The following VWDE variants were observed in gnomAD, a reference collection of about 807,000 sequenced individuals.
VWDE encodes von Willebrand factor D and EGF domains.
A neutral mutation model predicts 178.4 loss-of-function variants in VWDE; 207 were observed. That is an observed-to-expected ratio of 1.16 (90% CI 1.04 to 1.30). The LOEUF (loss-of-function observed/expected upper bound fraction) is 1.30, where lower values mean the gene tolerates loss of function less well. VWDE is among the 50% of genes most tolerant of loss of function. VWDE has a pLI of 0.00. For missense variants in VWDE, 2,287 were observed against 1,901.3 expected (o/e 1.20, Z -3.77); for synonymous variants, 738 against 651.4 (o/e 1.13, Z -2.02).
intron 10 of VWDE, among the ~76,000 whole-genome samples, chr7:12,372,329 A>G (rs968313816): frequency 2.5e-4 from 38 of 152,080 alleles, no homozygotes; most frequent in African/African-American, 8.2e-4. Context: ...AATATATAAC[A>G]TATTTTCAAA....
intron 13 of VWDE, among the ~76,000 whole-genome samples, chr7:12,361,978 A>G (rs1471379246): frequency 6.6e-6 from 1 of 151,920 alleles, no homozygotes; most frequent in African/African-American, 2.4e-5. Flanking sequence ...TATATGACCA[A>G]TCTCCCTGAC....
chr7:12,369,800 C>T lies in VWDE; in HGVS notation c.2506G>A (p.Glu836Lys). ...AACAGAACATCCTTCACACACATCTCTATAACACTGTCTAATCTCTTGCCA... is the reference window on the plus strand; with the variant it reads ...AACAGAACATCCTTCACACACATCTTTATAACACTGTCTAATCTCTTGCCA... ...FLGKRLDSVI[E>K]MCVKDVLLKD... The change falls in exon 12 of 29, where the codon GAG becomes AAG. Residue 836 changes from glutamate to lysine, a missense_variant. Transcript: ENST00000275358. 1 of 1,551,588 alleles carries T rather than the reference C, an allele frequency of 6.4e-7. No individual in the cohort carries two copies. Among genetic ancestry groups the T allele is most frequent in the East Asian group, 2.4e-5 (1 of 40,902 alleles).
chr7:12,391,220 A>G (rs1784374759), intron 2 of VWDE, among the ~76,000 whole-genome samples: 1 of 152,236 alleles, frequency 6.6e-6, no homozygotes, highest in Non-Finnish European at 1.5e-5. Flanking sequence ...TTATGAAGAA[A>G]TGTTGTTCCA....
chr7:12,340,562 C>A lies in VWDE; in HGVS notation c.4271-145G>T, dbSNP rs528282431. On this transcript the variant is annotated intron_variant, in intron 23 of 28. Coordinates refer to ENST00000275358, the MANE Select transcript of VWDE (RefSeq NM_001135924.3). ...ATAATGTATAATTAATTAGACTTTGCCAAACATAAGAGGAATGAAATTACT... is the reference window on the plus strand; with the variant it reads ...ATAATGTATAATTAATTAGACTTTGACAAACATAAGAGGAATGAAATTACT... 1.2e-5 allele frequency: 7 copies of A among 574,302 alleles called. No homozygotes were observed. The South Asian group carries it at 2.0e-4, about 16-fold the overall frequency. 35.6% of individuals were successfully genotyped at this position (574,302 alleles called of 1,614,324 possible).
intron 19 of VWDE, among the ~76,000 whole-genome samples, chr7:12,347,962 A>T (rs1181496513): frequency 1.3e-5 from 2 of 152,170 alleles, no homozygotes; most frequent in African/African-American, 4.8e-5. Context: ...TGACAAAAAC[A>T]AGCAATGGGG....
rs1015650899 is a variant in VWDE at position 12,351,490 on chromosome 7, C to T, written c.3886+83G>A. 6 of 1,374,924 alleles carry T rather than the reference C, an allele frequency of 4.4e-6. No homozygotes were observed. In the African/African-American group the frequency reaches 8.9e-5, roughly 20 times the overall value. The allele number at this position is 1,374,924 out of a possible 1,614,324, so 85.2% of individuals were successfully genotyped here. On this transcript the variant is annotated intron_variant, in intron 19 of 28. Transcript: ENST00000275358. ...GTGATCTTTCTAAAAATAAAAATAC[C>T]TGAGGAATAAATATGTTGGTCTTCT...
At chr7:12,368,976 G>A (rs1181956051) in intron 12 of VWDE, among the ~76,000 whole-genome samples, 5 of 151,962 alleles carry the variant, frequency 3.3e-5, no homozygotes, top group Admixed American at 6.6e-5. Context: ...AGAATGGGAG[G>A]GAAATCAGGA....
Position 12,370,230 on chromosome 7 carries a change from T to C in VWDE, c.2076A>G (p.Leu692=), listed in dbSNP as rs1426501207. ...GTTTTTTTTCTTGCAGAAATAAATT[T>C]AGATTATATTCTTCTGGAGATGTAT... ...NKHTSPEEYN[L]NLFLQEKKHI... The change falls in exon 12 of 29, where the codon CTA becomes CTG. Residue 692 remains leucine (L), a synonymous_variant. Coordinates refer to ENST00000275358, the MANE Select transcript of VWDE (RefSeq NM_001135924.3). 3.9e-6 allele frequency: 6 copies of C among 1,551,092 alleles called. No homozygotes were observed. In the African/African-American group the frequency reaches 5.5e-5, roughly 14 times the overall value.
intron 19 of VWDE, among the ~76,000 whole-genome samples, chr7:12,347,491 G>GT (rs1385942586): frequency 2.6e-5 from 4 of 152,008 alleles, no homozygotes; most frequent in African/African-American, 9.7e-5. Context: ...ATACTAAAAT[G>GT]TAGTATAAAG....
chr7:12,331,227 A>C, intron 28 of VWDE, 30 bp from the exon 29 acceptor site: 1 of 1,532,830 alleles, frequency 6.5e-7, no homozygotes, highest in Non-Finnish European at 8.8e-7. Flanking sequence ...ATTGTGTTTC[A>C]ATGAATAGTA....
chr7:12,369,877 C>A lies in VWDE; in HGVS notation c.2429G>T (p.Cys810Phe). Residue 810 changes from cysteine to phenylalanine, a missense_variant, in exon 12 of 29, where the codon TGT becomes TTT. Physicochemically the swap from Cys to Phe is radical, Grantham distance 205. Transcript: ENST00000275358. ...GCTGGAGTTGGCTAGAGTCTCCTGA[C>A]AGAGGGTCAAGGTGCTATACTCGGT... The part of the protein sequence containing the change: ...GLTEYSTLTL[C>F]QETLANSSIG... 1 of 1,551,474 alleles carries A rather than the reference C, an allele frequency of 6.4e-7. No individual in the cohort carries two copies. The highest frequency in any genetic ancestry group is 8.7e-7 in the Non-Finnish European group (1 of 1,146,886).
chr7:12,378,220 C>T (rs58059818), intron 6 of VWDE, among the ~76,000 whole-genome samples: 10,214 of 152,118 alleles, frequency 0.067, 1,099 homozygotes, highest in African/African-American at 0.23. Context: ...CACTGGAAAG[C>T]GAAGAAGAAA....
At chr7:12,394,530 A>G (rs10266368) in intron 1 of VWDE, among the ~76,000 whole-genome samples, 23,457 of 152,026 alleles carry the variant, frequency 0.15, 2,130 homozygotes, top group African/African-American at 0.25. Flanking sequence ...CCGAACAAAA[A>G]GCTCCACTTT....
rs1162354648 is a variant in VWDE at position 12,344,240 on chromosome 7, T to G, written c.4033A>C (p.Ile1345Leu). The G allele has an allele frequency of 6.4e-7, 1 of 1,551,344 alleles. No individual in the cohort carries two copies. Among genetic ancestry groups the G allele is most frequent in the Admixed American group, 2.0e-5 (1 of 50,958 alleles). Reference sequence around the variant, plus strand: ...CCATGTCCTGGAAGACACTGACAAATGTTAGGCTTAATACATTTTCCATGG... The same window carrying G: ...CCATGTCCTGGAAGACACTGACAAAGGTTAGGCTTAATACATTTTCCATGG... ...KNHGKCIKPN[I>L]CQCLPGHGGA... Residue 1345 changes from isoleucine (I) to leucine (L), a missense_variant, in exon 21 of 29, where the codon ATT becomes CTT. Ile to Leu is a conservative substitution (Grantham distance 5). Transcript: ENST00000275358.
chr7:12,374,725 G>A lies in VWDE; in HGVS notation c.1280C>T (p.Thr427Ile), dbSNP rs1431841010. The A allele has an allele frequency of 1.3e-6, 2 of 1,541,180 alleles. No individual in the cohort carries two copies. The highest frequency in any genetic ancestry group is 1.7e-6 in the Non-Finnish European group (2 of 1,143,286). Residue 427 changes from threonine to isoleucine, a missense_variant, in exon 9 of 29, where the codon ACA becomes ATA. Coordinates refer to ENST00000275358, the MANE Select transcript of VWDE (RefSeq NM_001135924.3). ...VKDVPTAYCY[T>I]FTDPHIITFD... Reference sequence around the variant, plus strand: ...TGTAATTATATGTGGGTCAGTAAATGTATAGCAGTAAGCAGTTGGGACATC... The same window carrying A: ...TGTAATTATATGTGGGTCAGTAAATATATAGCAGTAAGCAGTTGGGACATC...
In VWDE at chr7:12,370,040, G is replaced by C. The variant is rs746502223; in HGVS notation, c.2266C>G (p.His756Asp). ...AAAGCAAACAAAGGAGGAAACTCAT[G>C]AAAGTTCTGCCGTTTCCATCTGTTT... ...RQNRWKRQNF[H>D]EFPPLFAFPS... Residue 756 changes from histidine to aspartate, a missense_variant, in exon 12 of 29, where the codon CAT becomes GAT. Transcript: ENST00000275358. 1.8e-5 allele frequency: 28 copies of C among 1,551,418 alleles called. No individual in the cohort carries two copies. Among genetic ancestry groups the C allele is most frequent in the Non-Finnish European group, 2.4e-5 (28 of 1,146,912 alleles).
intron 19 of VWDE, among the ~76,000 whole-genome samples, chr7:12,349,542 T>C (rs1781814113): frequency 6.6e-6 from 1 of 151,500 alleles, no homozygotes; most frequent in Admixed American, 6.6e-5. Context: ...AATGCTTTCA[T>C]ATAAAAAGAC....
At chr7:12,338,590 A>G (rs1781162221) in intron 24 of VWDE, among the ~76,000 whole-genome samples, 1 of 152,084 alleles carries the variant, frequency 6.6e-6, no homozygotes, top group African/African-American at 2.4e-5. Flanking sequence ...AATATATACA[A>G]AGGGCATACA....
At position 12,342,095 on chromosome 7, in the gene VWDE, A is replaced by C; in HGVS notation, c.4234T>G (p.Cys1412Gly). The change falls in exon 23 of 29, where the codon TGC becomes GGC. Residue 1412 changes from cysteine to glycine, a missense_variant. Physicochemically the swap from Cys to Gly is radical, Grantham distance 159 (BLOSUM62 -3). Coordinates refer to ENST00000275358, the MANE Select transcript of VWDE (RefSeq NM_001135924.3). ...GQCLTPDICQ[C>G]KPGWYGPTCS... ...GTGGGTCCATACCAGCCAGGTTTGC[A>C]CTGGCAAATATCTGGTGTAAGACAC... The C allele has an allele frequency of 1.3e-6, 2 of 1,551,542 alleles. No individual in the cohort carries two copies. The highest frequency in any genetic ancestry group is 1.7e-6 in the Non-Finnish European group (2 of 1,146,892).
Sources: gnomAD v4.1 joint callset for allele counts (sites outside exome capture counted in the v4.1 genomes callset) on GRCh38, gnomAD v4.1.1 for gene constraint, MANE v1.5 for transcripts, NCBI Gene and HGNC (gene_info 2026-07-23, HGNC 2026-07-21) for gene names.